The following KIAA1549L variants were observed in gnomAD, a reference collection of about 807,000 sequenced individuals.
KIAA1549L encodes UPF0606 protein KIAA1549L.
In KIAA1549L, 88 loss-of-function variants were observed where a neutral mutation model predicts 160.7. That is an observed-to-expected ratio of 0.55 (90% CI 0.46 to 0.65). The LOEUF is 0.65. KIAA1549L is among the 30% of genes least tolerant of loss of function. The probability of loss-of-function intolerance (pLI) is 0.00; values close to 1 mark genes in which losing one functional copy is unlikely to be tolerated. For missense variants in KIAA1549L, 2,258 were observed against 2,437.5 expected, an observed-to-expected ratio of 0.93 and a Z score of 1.55; for synonymous variants, 950 against 976.7, an observed-to-expected ratio of 0.97 and a Z score of 0.51.
At chr11:33,390,314 T>C (rs1850249581) in intron 1 of KIAA1549L, among the ~76,000 whole-genome samples, 1 of 152,208 alleles carries the variant, frequency 6.6e-6, no homozygotes, top group Non-Finnish European at 1.5e-5. Context: ...GCCCAGTGCC[T>C]CTTCTTCCTA....
chr11:33,584,424 C>T (rs908214127), intron 11 of KIAA1549L, among the ~76,000 whole-genome samples: 35 of 152,184 alleles, frequency 2.3e-4, no homozygotes, highest in African/African-American at 8.0e-4. Flanking sequence ...GTCCTGGGGC[C>T]CCATCCACCC....
At chr11:33,558,430 C>T (rs1406827352) in intron 6 of KIAA1549L, among the ~76,000 whole-genome samples, 1 of 152,146 alleles carries the variant, frequency 6.6e-6, no homozygotes, top group Admixed American at 6.5e-5. Flanking sequence ...CCTCACCCTC[C>T]TCCCTCTCTC....
At chr11:33,504,795 CTT>C (rs1301591897) in intron 1 of KIAA1549L, among the ~76,000 whole-genome samples, 1 of 152,086 alleles carries the variant, frequency 6.6e-6, no homozygotes, top group African/African-American at 2.4e-5. Flanking sequence ...TAGACAGGGT[CTT>C]TCTCTGTTAC....
intron 10 of KIAA1549L, among the ~76,000 whole-genome samples, chr11:33,578,182 G>A (rs1041071323): frequency 2.6e-5 from 4 of 152,118 alleles, no homozygotes; most frequent in Middle Eastern, 3.2e-3. Flanking sequence ...AGCAGTGGAC[G>A]GGGTCAGGGG....
rs1353866730 is a variant in KIAA1549L, at chr11:33,672,074, A to G, written c.*3920A>G. ...AAGTGCAGGTGTTGGCTGAAAGAAT[A>G]GAGGGACATTTCACAAACACAGAAC... On this transcript the variant is annotated 3_prime_UTR_variant, in exon 21 of 21. Coordinates refer to ENST00000658780, the MANE Select transcript of KIAA1549L (RefSeq NM_012194.3). The G allele has an allele frequency of 6.6e-6, 1 of 152,260 alleles. No individual in the cohort carries two copies. Among genetic ancestry groups the G allele is most frequent in the Non-Finnish European group, 1.5e-5 (1 of 68,062 alleles). The allele number at this position is 152,260 out of a possible 1,614,324, so 9.4% of individuals were successfully genotyped here. A position where few individuals can be genotyped will look rare whatever the true frequency, so the allele number is the denominator to read the frequency against.
At chr11:33,619,707 T>C (rs970563486) in intron 16 of KIAA1549L, among the ~76,000 whole-genome samples, 3 of 152,244 alleles carry the variant, frequency 2.0e-5, no homozygotes, top group African/African-American at 7.2e-5. Flanking sequence ...TTGTTTCTTT[T>C]TCCTTTTTCA....
chr11:33,431,138 G>A (rs1447229013), intron 1 of KIAA1549L, among the ~76,000 whole-genome samples: 1 of 152,008 alleles, frequency 6.6e-6, no homozygotes, highest in African/African-American at 2.4e-5. Flanking sequence ...GGGCTCGTGG[G>A]CTCGCTGGCT....
At chr11:33,460,450 G>A (rs1235234551) in intron 1 of KIAA1549L, among the ~76,000 whole-genome samples, 1 of 152,182 alleles carries the variant, frequency 6.6e-6, no homozygotes, top group Admixed American at 6.5e-5. Context: ...GACCCATATG[G>A]GCGTGAGTGA....
At chr11:33,521,395 C>T (rs1195277368) in intron 1 of KIAA1549L, among the ~76,000 whole-genome samples, 1 of 152,154 alleles carries the variant, frequency 6.6e-6, no homozygotes, top group Non-Finnish European at 1.5e-5. Context: ...CTTTTCTGTG[C>T]CTGCATCTGC....
chr11:33,634,050 G>A (rs554517796), intron 16 of KIAA1549L, among the ~76,000 whole-genome samples: 1 of 152,060 alleles, frequency 6.6e-6, no homozygotes, highest in African/African-American at 2.4e-5. Context: ...TGTTGTTGTT[G>A]TTGTTGTTTT....
In KIAA1549L at chr11:33,673,711, G is replaced by A. The variant is rs554939274; in HGVS notation, c.*5557G>A. The A allele has an allele frequency of 6.6e-6, 1 of 152,272 alleles. No individual in the cohort carries two copies. Among genetic ancestry groups the A allele is most frequent in the Admixed American group, 6.5e-5 (1 of 15,300 alleles). 9.4% of individuals were successfully genotyped at this position (152,272 alleles called of 1,614,324 possible). The stretch of plus-strand genomic sequence containing the variant: ...GAAAATATTTTAGCTCCTCCTATCT[G>A]CTGAATTAATTTATACAGTCACATG... On this transcript the variant is annotated 3_prime_UTR_variant, in exon 21 of 21. Transcript: ENST00000658780.
chr11:33,549,022 T>G (rs1854363222), intron 4 of KIAA1549L, among the ~76,000 whole-genome samples: 1 of 152,242 alleles, frequency 6.6e-6, no homozygotes, highest in Non-Finnish European at 1.5e-5. Flanking sequence ...TTATGGGAAG[T>G]TGAAAATGTG....
chr11:33,452,574 C>A (rs372396033), intron 1 of KIAA1549L, among the ~76,000 whole-genome samples: 2 of 152,246 alleles, frequency 1.3e-5, no homozygotes, highest in African/African-American at 4.8e-5. Context: ...CACCACTGCA[C>A]GCCAGCCTGG....
chr11:33,541,785 G>A lies in KIAA1549L; in HGVS notation c.239-17G>A, dbSNP rs1420296057. ...ATGAGCATCCAACACCTGACGGCCT[G>A]ATATTTTGTTTCACAGGAACAGACA... On this transcript the variant is annotated splice_polypyrimidine_tract_variant and intron_variant, in intron 1 of 20. Transcript: ENST00000658780. 4.0e-6 allele frequency: 1 copy of A among 249,246 alleles called. No individual in the cohort carries two copies. The highest frequency in any genetic ancestry group is 4.9e-5 in the South Asian group (1 of 20,424). 15.4% of individuals were successfully genotyped at this position (249,246 alleles called of 1,614,324 possible).
chr11:33,654,303 G>A (rs577164553), intron 17 of KIAA1549L, among the ~76,000 whole-genome samples: 4 of 152,160 alleles, frequency 2.6e-5, no homozygotes, highest in East Asian at 2.0e-4. Context: ...CATTTTTTAC[G>A]TTGTTATTTT....
chr11:33,580,571 C>CAAAAAAAAAAAAAAA (rs368467299), intron 10 of KIAA1549L, among the ~76,000 whole-genome samples: 1 of 52,522 alleles, frequency 1.9e-5, no homozygotes, highest in Admixed American at 2.1e-4. Context: ...GATTCTGCCT[C>CAAAAAAAAAAAAAAA]AAAAAAAAAA....
intron 10 of KIAA1549L, among the ~76,000 whole-genome samples, chr11:33,578,422 C>T (rs1035797486): frequency 6.6e-6 from 1 of 152,208 alleles, no homozygotes; most frequent in Admixed American, 6.5e-5. Context: ...CAGTCACTCA[C>T]AAATCCATTT....
At chr11:33,519,333 A>G (rs564079923) in intron 1 of KIAA1549L, among the ~76,000 whole-genome samples, 1 of 152,302 alleles carries the variant, frequency 6.6e-6, no homozygotes, top group African/African-American at 2.4e-5. Context: ...CTCCAGTGAT[A>G]TATATTTGTC....
At chr11:33,529,014 G>T (rs943450349) in intron 1 of KIAA1549L, among the ~76,000 whole-genome samples, 12 of 152,008 alleles carry the variant, frequency 7.9e-5, no homozygotes, top group African/African-American at 2.7e-4. Flanking sequence ...TTTTAAAAAA[G>T]AAAAAGTTGA....
Sources: gnomAD v4.1 joint callset for allele counts (sites outside exome capture counted in the v4.1 genomes callset) on GRCh38, gnomAD v4.1.1 for gene constraint, MANE v1.5 for transcripts, NCBI Gene and HGNC (gene_info 2026-07-23, HGNC 2026-07-21) for gene names.